The following MYH7B variants were observed in gnomAD, a reference collection of about 807,000 sequenced individuals.
MYH7B encodes myosin-7B.
A neutral mutation model predicts 234.5 loss-of-function variants in MYH7B; 205 were observed. The observed-to-expected ratio is 0.87, with a 90% CI of 0.78 to 0.98. MYH7B has a LOEUF of 0.98. Among genes scored for constraint, MYH7B ranks in the 50% least tolerant of loss-of-function variants. The pLI is 0.00. For synonymous variants in MYH7B, 1,193 were observed against 1,105.0 expected, an observed-to-expected ratio of 1.08 and a Z score of -1.58; for missense variants, 2,652 against 2,633.4, an observed-to-expected ratio of 1.01 and a Z score of -0.15.
intron 2 of MYH7B, among the ~76,000 whole-genome samples, chr20:34,966,296 A>G (rs971230866): frequency 2.0e-5 from 3 of 152,188 alleles, no homozygotes; most frequent in Non-Finnish European, 4.4e-5. Context: ...CATGAGTACC[A>G]CTCAGCAATA....
At chr20:34,982,355 G>T (rs2147180146) in intron 9 of MYH7B, 104 bp from the exon 10 acceptor site, 6 of 952,742 alleles carry the variant, frequency 6.3e-6, no homozygotes, top group East Asian at 5.2e-5. Flanking sequence ...GTTTCAAGCT[G>T]GGGGGAAGGA....
At chr20:34,999,172 C>T in exon 36 of MYH7B, 2 of 1,613,710 alleles carry the variant, frequency 1.2e-6, no homozygotes, top group Non-Finnish European at 1.7e-6. Flanking sequence ...GAGGATGTAA[C>T]CCTGGAGCTG....
At chr20:34,992,181 C>T (rs542281287) in intron 24 of MYH7B, among the ~76,000 whole-genome samples, 3 of 152,234 alleles carry the variant, frequency 2.0e-5, no homozygotes, top group Middle Eastern at 3.4e-3. Flanking sequence ...GTCAGGAGAT[C>T]GAGACCATCC....
chr20:34,997,781 T>G, intron 32 of MYH7B, 141 bp downstream of exon 32: 1 of 1,063,770 alleles, frequency 9.4e-7, no homozygotes, highest in African/African-American at 1.6e-5. Flanking sequence ...CAACCCTCAT[T>G]TCTCAGCCTC....
At position 34,986,209 on chromosome 20, in the gene MYH7B, G is replaced by A. The variant is rs769021198; in HGVS notation, c.904+11G>A. The A allele has an allele frequency of 1.3e-6, 2 of 1,576,858 alleles. No homozygotes were observed. Among genetic ancestry groups the A allele is most frequent in the Non-Finnish European group, 8.6e-7 (1 of 1,158,800 alleles). On this transcript the variant is annotated intron_variant, in intron 14 of 44. Transcript: ENST00000262873. Reference sequence around the variant, plus strand: ...AGCCAGAGCTGCAGGGTGAGGGGCAGTACGATGAAGGGGGTGGGAGTCAGA... The same window carrying A: ...AGCCAGAGCTGCAGGGTGAGGGGCAATACGATGAAGGGGGTGGGAGTCAGA...
intron 8 of MYH7B, 46 bp downstream of exon 8, chr20:34,980,780 G>T: frequency 6.3e-7 from 1 of 1,598,398 alleles, no homozygotes; most frequent in Non-Finnish European, 8.5e-7. Flanking sequence ...CCCGACCTCG[G>T]TCCCGGGAGG....
chr20:34,990,744 C>G, exon 23 of MYH7B: 1 of 1,614,186 alleles, frequency 6.2e-7, no homozygotes, highest in Non-Finnish European at 8.5e-7. Flanking sequence ...CCAGGAGAAC[C>G]TCAACAAGCT....
chr20:34,960,367 C>T (rs2081682988), intron 2 of MYH7B, among the ~76,000 whole-genome samples: 1 of 152,172 alleles, frequency 6.6e-6, no homozygotes, highest in South Asian at 2.1e-4. Flanking sequence ...TCCCGAGTAG[C>T]TGGGACTACA....
At chr20:34,974,174 G>A (rs183129593) in intron 2 of MYH7B, among the ~76,000 whole-genome samples, 8 of 148,770 alleles carry the variant, frequency 5.4e-5, no homozygotes, top group African/African-American at 2.0e-4. Flanking sequence ...TAATCCACCC[G>A]CCTTGGCTTC....
chr20:34,965,343 G>A (rs573036402), intron 2 of MYH7B, among the ~76,000 whole-genome samples: 52 of 152,396 alleles, frequency 3.4e-4, no homozygotes, highest in African/African-American at 1.3e-3. Flanking sequence ...AGAAAAGAGA[G>A]GCTTGCCCAG....
chr20:34,971,849 G>A (rs1316492320), intron 2 of MYH7B, among the ~76,000 whole-genome samples: 1 of 152,200 alleles, frequency 6.6e-6, no homozygotes, highest in East Asian at 1.9e-4. Flanking sequence ...GCAGGATAAA[G>A]CTCCAGATCT....
intron 28 of MYH7B, 84 bp downstream of exon 28, chr20:34,995,662 C>G: frequency 6.4e-7 from 1 of 1,560,408 alleles, no homozygotes; most frequent in Non-Finnish European, 8.7e-7. Context: ...CACCCCGGCT[C>G]TGCTAAGCCT....
intron 37 of MYH7B, 26 bp from the exon 38 acceptor site, chr20:34,999,765 C>T (rs2082334400): frequency 5.3e-6 from 5 of 941,854 alleles, no homozygotes; most frequent in Non-Finnish European, 3.2e-6. Flanking sequence ...CCCCCCCACC[C>T]TACCCTGCCT....
chr20:34,987,002 G>A lies in MYH7B; in HGVS notation c.1008+13G>A. Reference sequence around the variant, plus strand: ...CATCGCCACCGACGTATGAGCTCTGGTGGGAGGGGAGCTGTGTGGACGCCT... The same window carrying A: ...CATCGCCACCGACGTATGAGCTCTGATGGGAGGGGAGCTGTGTGGACGCCT... On this transcript the variant is annotated intron_variant, in intron 15 of 44. Coordinates refer to ENST00000262873, the Ensembl canonical transcript of MYH7B. 2 of 1,612,698 alleles carry A rather than the reference G, an allele frequency of 1.2e-6. No individual in the cohort carries two copies. Among genetic ancestry groups the A allele is most frequent in the South Asian group, 2.2e-5 (2 of 91,058 alleles).
chr20:34,996,332 T>C lies in MYH7B; in HGVS notation c.2944-14T>C. On this transcript the variant is annotated splice_polypyrimidine_tract_variant and intron_variant, in intron 28 of 44. Transcript: ENST00000262873. ...GGGAAGGGCGTCCCCATTCTGGCCC[T>C]GGCCCTGGCACAGGTGAAGAACCTG... The C allele has an allele frequency of 6.4e-7, 1 of 1,569,808 alleles. No individual in the cohort carries two copies. Among genetic ancestry groups the C allele is most frequent in the Non-Finnish European group, 8.6e-7 (1 of 1,158,066 alleles).
rs752706072 is a variant in MYH7B at position 34,984,607 on chromosome 20, G to A, written c.625-85G>A. The A allele has an allele frequency of 3.6e-5, 46 of 1,277,638 alleles. 1 individual carries two copies. Among genetic ancestry groups the A allele is most frequent in the South Asian group, 2.6e-4 (21 of 79,830 alleles). 79.1% of individuals were successfully genotyped at this position (1,277,638 alleles called of 1,614,324 possible). ...ACTCCACCCCCCTGTCCTGCTGCCC[G>A]CTGCCTCCCGCTGATACCCTGCCCC... On this transcript the variant is annotated intron_variant, in intron 10 of 44. Coordinates refer to ENST00000262873, the Ensembl canonical transcript of MYH7B.
In MYH7B at chr20:34,994,182, C is replaced by T. The variant is rs762164384; in HGVS notation, c.2481C>T (p.Ala827=). 3.5e-5 allele frequency: 57 copies of T among 1,613,438 alleles called. No individual in the cohort carries two copies. The South Asian group carries it at 6.0e-4, about 17-fold the overall frequency. The change falls in exon 27 of 45, where the codon GCC becomes GCT. Residue 827 remains alanine (A), a synonymous_variant. Coordinates refer to ENST00000262873, the Ensembl canonical transcript of MYH7B. ...TCACCATCCAGTGGAACATCCGTGC[C>T]TTCAATGCCGTCAAGAACTGGTCAT...
At chr20:35,001,454 G>A (rs1190297848) in exon 43 of MYH7B, 1 of 1,605,510 alleles carries the variant, frequency 6.2e-7, no homozygotes, top group Non-Finnish European at 8.5e-7. Flanking sequence ...GGAAGAACCT[G>A]GCTCGCATGC....
At chr20:34,966,078 C>CG (rs1193672423) in intron 2 of MYH7B, among the ~76,000 whole-genome samples, 1 of 92,544 alleles carries the variant, frequency 1.1e-5, no homozygotes, top group African/African-American at 4.3e-5. Flanking sequence ...GAAAGAGGGT[C>CG]GGGGGGTGGG....
Sources: gnomAD v4.1 joint callset for allele counts (sites outside exome capture counted in the v4.1 genomes callset) on GRCh38, gnomAD v4.1.1 for gene constraint, MANE v1.5 for transcripts, NCBI Gene and HGNC (gene_info 2026-07-23, HGNC 2026-07-21) for gene names.